The following MOCOS variants were observed in gnomAD, a reference collection of about 807,000 sequenced individuals.
The protein encoded by MOCOS is human molybdenum cofactor sulfurase.
Under a neutral mutation model 83.6 loss-of-function variants are expected in MOCOS, and 86 were observed. The ratio of observed to expected loss-of-function variants is 1.03; its 90% CI spans 0.86 to 1.23. MOCOS has a LOEUF of 1.23. MOCOS is among the 50% of genes most tolerant of loss of function. MOCOS has a pLI of 0.00. For synonymous variants in MOCOS, 445 were observed against 434.7 expected, an observed-to-expected ratio of 1.02 and a Z score of -0.29; for missense variants, 1,120 against 1,126.9, an observed-to-expected ratio of 0.99 and a Z score of 0.09.
intron 3 of MOCOS, among the ~76,000 whole-genome samples, 174 bp from the exon 4 acceptor site, chr18:36,199,509 C>T (rs1051694318): frequency 5.9e-5 from 9 of 152,210 alleles, no homozygotes; most frequent in African/African-American, 1.9e-4. Context: ...AGGATTTTGC[C>T]AACTGGAACT....
At chr18:36,214,257 A>AG (rs1463355974) in intron 7 of MOCOS, among the ~76,000 whole-genome samples, 3 of 39,570 alleles carry the variant, frequency 7.6e-5, no homozygotes, top group South Asian at 1.3e-3. Flanking sequence ...AAAAAAAAAA[A>AG]AAAAAGAAAA....
chr18:36,251,360 T>A, intron 11 of MOCOS, 77 bp downstream of exon 11: 2 of 1,558,364 alleles, frequency 1.3e-6, no homozygotes, highest in Middle Eastern at 3.4e-4. Flanking sequence ...GCCCATGAAC[T>A]GCACTTACGG....
intron 1 of MOCOS, among the ~76,000 whole-genome samples, chr18:36,194,036 A>C (rs139013542): frequency 6.6e-6 from 1 of 152,394 alleles, no homozygotes; most frequent in African/African-American, 2.4e-5. Context: ...GAAGTCAGAC[A>C]CTAAAGGCCA....
rs1476890589 is a variant in MOCOS at position 36,270,715 on chromosome 18, A to T, written c.*2030A>T. 7.2e-6 allele frequency: 1 copy of T among 139,170 alleles called. No individual in the cohort carries two copies. The highest frequency in any genetic ancestry group is 1.6e-5 in the Non-Finnish European group (1 of 63,414). 8.6% of individuals were successfully genotyped at this position (139,170 alleles called of 1,614,324 possible). A position where few individuals can be genotyped will look rare whatever the true frequency, so the allele number is the denominator to read the frequency against. ...TGACAGAGCAAGACTCCATCTCAAA[A>T]AAAAAAAAAAAAAAATTAGGTCACT... On this transcript the variant is annotated 3_prime_UTR_variant, in exon 15 of 15. Transcript: ENST00000261326.
In MOCOS at chr18:36,200,080, T is replaced by A; in HGVS notation, c.697T>A (p.Trp233Arg). 6.2e-7 allele frequency: 1 copy of A among 1,614,090 alleles called. No individual in the cohort carries two copies. The highest frequency in any genetic ancestry group is 1.1e-5 in the South Asian group (1 of 91,076). ...RLHPVSTPGKWFVLLDAASYV... is the reference protein window; with the variant it reads ...RLHPVSTPGKRFVLLDAASYV... ...GCACCCTGTGAGCACGCCTGGGAAG[T>A]GGTTTGTGCTGCTGGATGCAGCCTC... Residue 233 changes from tryptophan to arginine, a missense_variant, in exon 4 of 15, where the codon TGG becomes AGG. By Grantham distance (101) the Trp-to-Arg change is moderately radical (BLOSUM62 -3). Transcript: ENST00000261326.
chr18:36,199,955 A>C lies in MOCOS; in HGVS notation c.572A>C (p.Asp191Ala). 6.2e-7 allele frequency: 1 copy of C among 1,614,216 alleles called. No homozygotes were observed. Among genetic ancestry groups the C allele is most frequent in the African/African-American group, 1.3e-5 (1 of 75,062 alleles). Reference protein sequence around the residue: ...EERSASASNPDCQLPHLFCYP... With the variant: ...EERSASASNPACQLPHLFCYP... ...CGTAGTGCTTCAGCCAGCAACCCAGACTGCCAGCTGCCGCATCTCTTCTGC... is the reference window on the plus strand; with the variant it reads ...CGTAGTGCTTCAGCCAGCAACCCAGCCTGCCAGCTGCCGCATCTCTTCTGC... The change falls in exon 4 of 15, where the codon GAC becomes GCC. Residue 191 changes from aspartate to alanine, a missense_variant. Coordinates refer to ENST00000261326, the MANE Select transcript of MOCOS (RefSeq NM_017947.4).
chr18:36,240,014 G>T (rs928897446), intron 9 of MOCOS, among the ~76,000 whole-genome samples: 2 of 128,878 alleles, frequency 1.6e-5, no homozygotes, highest in East Asian at 4.3e-4. Flanking sequence ...CTCTGTATTG[G>T]TTATTCTAGT....
At chr18:36,193,419 TTTTAA>T (rs560375130) in intron 1 of MOCOS, among the ~76,000 whole-genome samples, 3 of 149,274 alleles carry the variant, frequency 2.0e-5, no homozygotes, top group Non-Finnish European at 4.4e-5. Flanking sequence ...TGAAATATAA[TTTTAA>T]TTTAATAAAC....
chr18:36,195,247 T>G lies in MOCOS; in HGVS notation c.143-10T>G. 1 of 1,613,138 alleles carries G rather than the reference T, an allele frequency of 6.2e-7. No individual in the cohort carries two copies. The highest frequency in any genetic ancestry group is 8.5e-7 in the Non-Finnish European group (1 of 1,179,078). Reference sequence around the variant, plus strand: ...TAAAATTTTAGTATTTATTTTGTGTTTTCTTTCAGGAACTGTCTATCTTGA... The same window carrying G: ...TAAAATTTTAGTATTTATTTTGTGTGTTCTTTCAGGAACTGTCTATCTTGA... On this transcript the variant is annotated splice_polypyrimidine_tract_variant and intron_variant, in intron 1 of 14. Coordinates refer to ENST00000261326, the MANE Select transcript of MOCOS (RefSeq NM_017947.4).
At chr18:36,240,259 T>C (rs1471088478) in intron 9 of MOCOS, among the ~76,000 whole-genome samples, 1 of 118,482 alleles carries the variant, frequency 8.4e-6, no homozygotes, top group Non-Finnish European at 1.7e-5. Context: ...TCCCCATCTT[T>C]GTGGTTTTAT....
In MOCOS at chr18:36,268,618, T is replaced by C. The variant is rs1057251; in HGVS notation, c.2600T>C (p.Val867Ala). ...FLSVGSQVLPVLKENVEGHDL... is the reference protein window; with the variant it reads ...FLSVGSQVLPALKENVEGHDL... Reference sequence around the variant, plus strand: ...TCTGTAGGATCTCAGGTGCTCCCTGTGTTGAAAGAGAATGTGGAAGGTCAT... The same window carrying C: ...TCTGTAGGATCTCAGGTGCTCCCTGCGTTGAAAGAGAATGTGGAAGGTCAT... The change falls in exon 15 of 15, where the codon GTG becomes GCG. Residue 867 changes from valine (V) to alanine (A), a missense_variant. Coordinates refer to ENST00000261326, the MANE Select transcript of MOCOS (RefSeq NM_017947.4). 166,118 of 1,613,846 alleles carry C rather than the reference T, an allele frequency of 0.1. 9,393 individuals carry two copies. The highest frequency in any genetic ancestry group is 0.19 in the Admixed American group (11,210 of 59,996).
chr18:36,241,044 A>C (rs1381749556), intron 9 of MOCOS, among the ~76,000 whole-genome samples: 1 of 152,128 alleles, frequency 6.6e-6, no homozygotes, highest in Non-Finnish European at 1.5e-5. Context: ...GGCACTCCCT[A>C]GTGAGATGAA....
intron 9 of MOCOS, among the ~76,000 whole-genome samples, chr18:36,221,828 C>A (rs1405333157): frequency 6.6e-6 from 1 of 151,114 alleles, no homozygotes; most frequent in Non-Finnish European, 1.5e-5. Flanking sequence ...CTGGGTTCAG[C>A]GATTCTTGTG....
At chr18:36,265,021 A>G (rs1461836244) in intron 13 of MOCOS, among the ~76,000 whole-genome samples, 1 of 152,226 alleles carries the variant, frequency 6.6e-6, no homozygotes, top group East Asian at 1.9e-4. Flanking sequence ...AGAGTAAGGG[A>G]AAGCTTTTAT....
chr18:36,268,925 G>T lies in MOCOS; in HGVS notation c.*240G>T, dbSNP rs748376934. ...CGAATGCTGCACCCACATCCAGTGA[G>T]GCTCCTGTAGGTATTTGAAGTATAA... On this transcript the variant is annotated 3_prime_UTR_variant, in exon 15 of 15. Coordinates refer to ENST00000261326, the MANE Select transcript of MOCOS (RefSeq NM_017947.4). 1.8e-6 allele frequency: 1 copy of T among 546,434 alleles called. No individual in the cohort carries two copies. Among genetic ancestry groups the T allele is most frequent in the Non-Finnish European group, 3.3e-6 (1 of 307,140 alleles). 33.8% of individuals were successfully genotyped at this position (546,434 alleles called of 1,614,324 possible). A position where few individuals can be genotyped will look rare whatever the true frequency, so the allele number is the denominator to read the frequency against.
At chr18:36,187,814 A>T (rs1273653473) in intron 1 of MOCOS, 133 bp downstream of exon 1, 1 of 1,033,056 alleles carries the variant, frequency 9.7e-7, no homozygotes, top group Non-Finnish European at 1.2e-6. Flanking sequence ...GGACGTGTCC[A>T]CGCGTCCTCC....
intron 13 of MOCOS, among the ~76,000 whole-genome samples, chr18:36,264,716 AC>A (rs1164265593): frequency 2.0e-4 from 30 of 152,086 alleles, no homozygotes; most frequent in African/African-American, 7.0e-4. Context: ...CTTCGGTACC[AC>A]AGGGAGCATA....
intron 9 of MOCOS, among the ~76,000 whole-genome samples, chr18:36,227,463 C>A (rs1414981950): frequency 3.3e-5 from 5 of 151,584 alleles, no homozygotes; most frequent in Non-Finnish European, 7.4e-5. Context: ...TGGCATGATC[C>A]CAGCTCACTG....
chr18:36,231,173 ATTTG>A lies in MOCOS; in HGVS notation c.1960+10960_1960+10963del, dbSNP rs148367472. Among the ~76,000 whole-genome samples, 1,311 of 152,098 alleles carry A rather than the reference ATTTG, an allele frequency of 8.6e-3. 8 individuals carry two copies. Among genetic ancestry groups the A allele is most frequent in the Non-Finnish European group, 0.01 (686 of 67,978 alleles). On this transcript the variant is annotated intron_variant, in intron 9 of 14. Coordinates refer to ENST00000261326, the MANE Select transcript of MOCOS (RefSeq NM_017947.4). ...ATTTCTTACTGAACGCTTTTTCTGT[ATTTG>A]TTTATCATATTTTTTCCCATAAGCT...
Sources: gnomAD v4.1 joint callset for allele counts (sites outside exome capture counted in the v4.1 genomes callset) on GRCh38, gnomAD v4.1.1 for gene constraint, MANE v1.5 for transcripts, NCBI Gene and HGNC (gene_info 2026-07-23, HGNC 2026-07-21) for gene names.